The following ACIN1 variants were observed in gnomAD, a reference collection of about 807,000 sequenced individuals.
ACIN1 encodes the protein apoptotic chromatin condensation inducer in the nucleus.
ACIN1 carries 16 observed loss-of-function variants against 146.6 expected under a neutral mutation model. That is an observed-to-expected ratio of 0.11 (90% CI 0.07 to 0.17). The LOEUF is 0.17. Ranked by LOEUF, ACIN1 falls within the 10% of genes least tolerant of loss-of-function variation. The pLI is 1.00. For missense variants in ACIN1, 1,357 were observed against 1,609.3 expected (o/e 0.84, Z 2.68); for synonymous variants, 569 against 582.7 (o/e 0.98, Z 0.34).
intron 13 of ACIN1, 170 bp downstream of exon 13, chr14:23,063,266 C>CA: frequency 8.8e-7 from 1 of 1,131,962 alleles, no homozygotes; most frequent in East Asian, 2.5e-5. Context: ...AAAGATTAAA[C>CA]AGAGTCAAAT....
chr14:23,081,057 CTTT>C (rs57582315), intron 5 of ACIN1, among the ~76,000 whole-genome samples: 1 of 144,014 alleles, frequency 6.9e-6, no homozygotes. Flanking sequence ...CAAGCACCCC[CTTT>C]TTTTTTTTTT....
chr14:23,069,449 G>A (rs768319347), intron 9 of ACIN1, 27 bp downstream of exon 9: 27 of 1,607,996 alleles, frequency 1.7e-5, no homozygotes, highest in African/African-American at 5.3e-5. Flanking sequence ...CTGCCCACCC[G>A]CCCCAATAGG....
Position 23,067,227 on chromosome 14 carries a change from A to G in ACIN1, c.2266-1219T>C. 1.2e-6 allele frequency: 1 copy of G among 838,960 alleles called. No individual in the cohort carries two copies. Among genetic ancestry groups the G allele is most frequent in the Non-Finnish European group, 1.4e-6 (1 of 696,196 alleles). The allele number at this position is 838,960 out of a possible 1,614,324, so 52.0% of individuals were successfully genotyped here. On this transcript the variant is annotated intron_variant, in intron 9 of 18. Coordinates refer to ENST00000605057, the MANE Select transcript of ACIN1 (RefSeq NM_001386863.1). The surrounding 1 kb of genome is among the most constrained non-coding windows in gnomAD (Gnocchi z 4.6). ...AGAAAAAATAAAGATATAGAAAAAA[A>G]TAAAATAAAATATTAAAAAAAGAAG...
At chr14:23,064,007 G>A (rs1402642236) in intron 12 of ACIN1, 98 bp downstream of exon 12, 2 of 1,520,340 alleles carry the variant, frequency 1.3e-6, no homozygotes, top group Non-Finnish European at 8.9e-7. Context: ...GCACAGACAG[G>A]GAAGTTCCCT....
At chr14:23,070,003 A>C (rs2047580802) in intron 8 of ACIN1, among the ~76,000 whole-genome samples, 1 of 152,196 alleles carries the variant, frequency 6.6e-6, no homozygotes, top group African/African-American at 2.4e-5. Context: ...CTGTGGCCTC[A>C]GTCTCCCTGG....
At chr14:23,059,956 G>GTTTTTTTTTTT (rs397830741) in intron 18 of ACIN1, among the ~76,000 whole-genome samples, 90 of 100,114 alleles carry the variant, frequency 9.0e-4, no homozygotes, top group African/African-American at 3.7e-3. Context: ...CGCCCCGCCA[G>GTTTTTTTTTTT]TTTTTTTTTT....
chr14:23,087,898 A>G (rs1485918777), intron 4 of ACIN1, among the ~76,000 whole-genome samples: 2 of 152,168 alleles, frequency 1.3e-5, no homozygotes, highest in African/African-American at 4.8e-5. Context: ...CTTCCTAAAA[A>G]TATCTTCTTG....
intron 9 of ACIN1, chr14:23,069,050 TC>T (rs1371181106): frequency 2.0e-6 from 2 of 987,608 alleles, no homozygotes; most frequent in Non-Finnish European, 2.4e-6. Flanking sequence ...CAAAAATTTC[TC>T]AGCATGGCTG....
intron 8 of ACIN1, among the ~76,000 whole-genome samples, chr14:23,070,007 T>G (rs2140068286): frequency 6.6e-6 from 1 of 152,250 alleles, no homozygotes; most frequent in East Asian, 1.9e-4. Context: ...GGCCTCAGTC[T>G]CCCTGGCCAA....
At chr14:23,072,145 C>T (rs993392126) in intron 8 of ACIN1, among the ~76,000 whole-genome samples, 10 of 152,194 alleles carry the variant, frequency 6.6e-5, no homozygotes, top group African/African-American at 2.4e-4. Flanking sequence ...CCACGTGTTA[C>T]TACTCCAACA....
chr14:23,062,119 T>A, intron 16 of ACIN1, 49 bp downstream of exon 16: 1 of 1,476,808 alleles, frequency 6.8e-7, no homozygotes, highest in Non-Finnish European at 9.5e-7. Context: ...ATCTAGCAGA[T>A]AATGGCTTCC....
chr14:23,081,934 T>C, intron 4 of ACIN1, 98 bp from the exon 5 acceptor site: 4 of 876,498 alleles, frequency 4.6e-6, no homozygotes, highest in East Asian at 2.5e-5. Flanking sequence ...AATTATAGCA[T>C]ATGAGCCTAT....
intron 4 of ACIN1, among the ~76,000 whole-genome samples, chr14:23,087,981 C>T (rs1450435394): frequency 6.6e-6 from 1 of 152,204 alleles, no homozygotes; most frequent in African/African-American, 2.4e-5. Context: ...TCTCTAATCA[C>T]TGTAGTCCTC....
chr14:23,070,832 AG>A (rs1264820058), intron 8 of ACIN1, among the ~76,000 whole-genome samples: 2 of 152,138 alleles, frequency 1.3e-5, no homozygotes, highest in Non-Finnish European at 2.9e-5. Context: ...TAGGGGGGTT[AG>A]GGGGAGGGGA....
intron 10 of ACIN1, chr14:23,064,761 G>C (rs2047397220): frequency 2.8e-6 from 1 of 363,142 alleles, no homozygotes; most frequent in East Asian, 5.9e-5. Context: ...GCCAGGCGTT[G>C]TGGTGCATGC....
rs746901051 is a variant in ACIN1, at chr14:23,062,917, AC to A, written c.2883+11del. ...ACTAAGCAAGCTGGGATGGTGAGAA[AC>A]AATGACTTACCAAATTGGAGATATG... On this transcript the variant is annotated intron_variant, in intron 14 of 18. Coordinates refer to ENST00000605057, the MANE Select transcript of ACIN1 (RefSeq NM_001386863.1). The A allele has an allele frequency of 6.3e-7, 1 of 1,599,168 alleles. No individual in the cohort carries two copies. The highest frequency in any genetic ancestry group is 1.1e-5 in the South Asian group (1 of 88,604).
intron 8 of ACIN1, among the ~76,000 whole-genome samples, chr14:23,072,997 C>T (rs2047703752): frequency 6.6e-6 from 1 of 152,198 alleles, no homozygotes; most frequent in African/African-American, 2.4e-5. Flanking sequence ...TCTTAAGAGT[C>T]TGGCTTGGAG....
chr14:23,082,743 CTTT>C (rs36123912), intron 4 of ACIN1, among the ~76,000 whole-genome samples: 1 of 138,382 alleles, frequency 7.2e-6, no homozygotes, highest in African/African-American at 2.7e-5. Context: ...ACATGTTTTT[CTTT>C]TTTTTTTTTT....
At chr14:23,063,389 A>C (rs777855889) in intron 13 of ACIN1, 47 bp downstream of exon 13, 29 of 1,591,500 alleles carry the variant, frequency 1.8e-5, no homozygotes, top group Non-Finnish European at 2.0e-5. Flanking sequence ...AGGTGCTCTG[A>C]GAATTCAGGG....
Sources: gnomAD v4.1 joint callset for allele counts (sites outside exome capture counted in the v4.1 genomes callset) on GRCh38, gnomAD v4.1.1 for gene constraint, Gnocchi (gnomAD v3.1) non-coding constraint, MANE v1.5 for transcripts, NCBI Gene and HGNC (gene_info 2026-07-23, HGNC 2026-07-21) for gene names.